PTPDC1: variants seen among roughly 807,000 people sequenced by gnomAD.
PTPDC1 encodes protein tyrosine phosphatase domain-containing protein 1.
Under a neutral mutation model 75.3 loss-of-function variants are expected in PTPDC1, and 53 were observed. That is an observed-to-expected ratio of 0.70 (90% CI 0.56 to 0.88). The LOEUF (loss-of-function observed/expected upper bound fraction) is 0.88. PTPDC1 is among the 40% of genes least tolerant of loss of function. The pLI, the probability that PTPDC1 is intolerant of heterozygous loss-of-function variation, is 0.00. For synonymous variants in PTPDC1, 349 were observed against 366.2 expected, an observed-to-expected ratio of 0.95 and a Z score of 0.54; for missense variants, 925 against 998.6, an observed-to-expected ratio of 0.93 and a Z score of 0.99.
At chr9:94,100,839 A>G (rs1827810544) in intron 6 of PTPDC1, 1 of 152,174 alleles carries the variant, frequency 6.6e-6, no homozygotes, top group South Asian at 2.1e-4. Context: ...ATTCATGAAA[A>G]TCCTTATCTC....
chr9:94,053,307 A>G (rs1349714203), intron 1 of PTPDC1, among the ~76,000 whole-genome samples: 1 of 152,076 alleles, frequency 6.6e-6, no homozygotes, highest in Non-Finnish European at 1.5e-5. Context: ...CTGAAAAAAG[A>G]AAAGGGTTTT....
intron 2 of PTPDC1, among the ~76,000 whole-genome samples, chr9:94,073,467 G>A (rs1399816370): frequency 6.6e-6 from 1 of 151,982 alleles, no homozygotes; most frequent in African/African-American, 2.4e-5. Context: ...TCCTGATATG[G>A]GTGATTTGTG....
upstream of PTPDC1, among the ~76,000 whole-genome samples, chr9:94,080,960 C>G (rs1826857713): frequency 6.7e-6 from 1 of 150,136 alleles, no homozygotes; most frequent in African/African-American, 2.5e-5. Flanking sequence ...CTAAAAAATT[C>G]AAGGGAAAAT....
At chr9:94,033,229 G>A (rs567167023) in intron 1 of PTPDC1, among the ~76,000 whole-genome samples, 2 of 152,120 alleles carry the variant, frequency 1.3e-5, no homozygotes, top group Non-Finnish European at 2.9e-5. Flanking sequence ...AAATTAAGCA[G>A]TATAGAGGAT....
intron 1 of PTPDC1, among the ~76,000 whole-genome samples, chr9:94,047,355 C>A (rs545513838): frequency 4.6e-5 from 7 of 152,062 alleles, no homozygotes; most frequent in African/African-American, 1.7e-4. Flanking sequence ...TGATGCTGGC[C>A]TCATAAAATG....
In PTPDC1 at chr9:94,055,910, G is replaced by A. The variant is rs146156955; in HGVS notation, c.-6-8824G>A. 5.9e-5 allele frequency among the ~76,000 whole-genome samples: 9 copies of A among 152,114 alleles called. No individual in the cohort carries two copies. In the East Asian group the frequency reaches 1.5e-3, roughly 26 times the overall value. On this transcript the variant is annotated intron_variant, in intron 1 of 9. Coordinates refer to the PTPDC1 transcript ENST00000375360. Reference sequence around the variant, plus strand: ...ACCCACAGAATGCACAACACAGAGTGCATTCTAAACCCACAGAATGCACAA... The same window carrying A: ...ACCCACAGAATGCACAACACAGAGTACATTCTAAACCCACAGAATGCACAA...
chr9:94,107,853 C>T lies in PTPDC1; in HGVS notation c.2336C>T (p.Pro779Leu). 1.2e-6 allele frequency: 2 copies of T among 1,602,052 alleles called. No homozygotes were observed. The highest frequency in any genetic ancestry group is 1.7e-6 in the Non-Finnish European group (2 of 1,174,958). ...GTTAATTTTGATTCTGAAAATGGACCAACAGTTTACAACACCCTGAAGAAA... is the reference window on the plus strand; with the variant it reads ...GTTAATTTTGATTCTGAAAATGGACTAACAGTTTACAACACCCTGAAGAAA... ...TKVNFDSENG[P>L]TVYNTLKKIF... The change falls in exon 9 of 9, where the codon CCA (proline) becomes CTA (leucine). Residue 779 changes from proline to leucine, a missense_variant. Transcript: ENST00000620992.
chr9:94,052,709 T>C (rs1275466618), intron 1 of PTPDC1, among the ~76,000 whole-genome samples: 2 of 152,310 alleles, frequency 1.3e-5, no homozygotes, highest in East Asian at 3.9e-4. Flanking sequence ...ACTCATGTTT[T>C]TGCCATATGG....
intron 1 of PTPDC1, among the ~76,000 whole-genome samples, chr9:94,047,961 G>C (rs1485126568): frequency 3.3e-5 from 5 of 152,160 alleles, no homozygotes; most frequent in Non-Finnish European, 7.4e-5. Flanking sequence ...AGGAGCAGAT[G>C]GATTCACAGC....
At chr9:94,049,303 T>C (rs1307902729) in intron 1 of PTPDC1, among the ~76,000 whole-genome samples, 1 of 152,232 alleles carries the variant, frequency 6.6e-6, no homozygotes, top group African/African-American at 2.4e-5. Context: ...ATTTTCTTCC[T>C]AGCCTTGATG....
At chr9:94,038,452 A>T in intron 1 of PTPDC1, 1 of 315,702 alleles carries the variant, frequency 3.2e-6, no homozygotes, top group Non-Finnish European at 5.9e-6. Context: ...TTACTGACAG[A>T]ATATTTTATT....
At position 94,084,530 on chromosome 9, in the gene PTPDC1, C is replaced by T; in HGVS notation, c.-1C>T. 6 of 1,610,538 alleles carry T rather than the reference C, an allele frequency of 3.7e-6. No homozygotes were observed. The highest frequency in any genetic ancestry group is 5.1e-6 in the Non-Finnish European group (6 of 1,179,964). On this transcript the variant is annotated 5_prime_UTR_variant, in exon 1 of 9. Transcript: ENST00000620992. ...GCCTCCGGCTCTTGCCTCCCAGTGC[C>T]ATGCAGGTGCAGGATGCAACCAGGC...
intron 1 of PTPDC1, among the ~76,000 whole-genome samples, chr9:94,049,872 T>G (rs1057047226): frequency 1.3e-5 from 2 of 152,238 alleles, no homozygotes; most frequent in Non-Finnish European, 2.9e-5. Context: ...AGATTTGGTC[T>G]TTTCACATAG....
intron 1 of PTPDC1, among the ~76,000 whole-genome samples, chr9:94,031,377 G>A (rs1317903061): frequency 6.6e-6 from 1 of 151,928 alleles, no homozygotes; most frequent in Non-Finnish European, 1.5e-5. Flanking sequence ...CGCTGGAAGC[G>A]ATCTCAGATT....
Position 94,071,650 on chromosome 9 carries a change from C to T in PTPDC1, c.82+6829C>T, listed in dbSNP as rs537742687. On this transcript the variant is annotated intron_variant, in intron 2 of 9. Transcript: ENST00000375360. ...ATATCTGTCCATCCACCAATACCAC[C>T]CTGTCATGAATACTGTAGTTATGTA... Among the ~76,000 whole-genome samples the T allele has an allele frequency of 3.9e-5, 6 of 152,212 alleles. No individual in the cohort carries two copies. In the South Asian group the frequency reaches 1.2e-3, roughly 32 times the overall value.
chr9:94,037,008 T>C (rs1388850772), intron 1 of PTPDC1, among the ~76,000 whole-genome samples: 1 of 152,240 alleles, frequency 6.6e-6, no homozygotes, highest in Non-Finnish European at 1.5e-5. Context: ...GGCATTGTAA[T>C]GGTTTAAATG....
chr9:94,066,843 C>T (rs1180716378), intron 2 of PTPDC1, among the ~76,000 whole-genome samples: 1 of 151,808 alleles, frequency 6.6e-6, no homozygotes, highest in African/African-American at 2.4e-5. Flanking sequence ...CAGAAGTGAG[C>T]CACCATGCCC....
chr9:94,102,991 T>TAC (rs10624415), intron 7 of PTPDC1, among the ~76,000 whole-genome samples: 52,878 of 148,762 alleles, frequency 0.36, 9,271 homozygotes, highest in Admixed American at 0.45. Context: ...CTGCTGTTAC[T>TAC]ACACACACAC....
chr9:94,061,891 A>G (rs559921792), intron 1 of PTPDC1, among the ~76,000 whole-genome samples: 21 of 152,338 alleles, frequency 1.4e-4, no homozygotes, highest in Non-Finnish European at 2.8e-4. Flanking sequence ...TGTCTTGGCT[A>G]TCAGCACTTG....
Sources: gnomAD v4.1 joint callset for allele counts (sites outside exome capture counted in the v4.1 genomes callset) on GRCh38, gnomAD v4.1.1 for gene constraint, MANE v1.5 for transcripts, NCBI Gene and HGNC (gene_info 2026-07-23, HGNC 2026-07-21) for gene names.